Variants in EEFSEC observed in about 807,000 individuals in gnomAD.
EEFSEC encodes selenocysteine-specific elongation factor.
In EEFSEC, 43 loss-of-function variants were observed where a neutral mutation model predicts 42.1. That is an observed-to-expected ratio of 1.02 (90% CI 0.80 to 1.32). The LOEUF (loss-of-function observed/expected upper bound fraction) is 1.32. Ranked by LOEUF, EEFSEC falls within the 40% of genes most tolerant of loss-of-function variation. The pLI, the probability that EEFSEC is intolerant of heterozygous loss-of-function variation, is 0.00. For missense variants in EEFSEC, 745 were observed against 803.6 expected, an observed-to-expected ratio of 0.93 and a Z score of 0.88; for synonymous variants, 354 against 339.1, an observed-to-expected ratio of 1.04 and a Z score of -0.48.
intron 4 of EEFSEC, 51 bp from the exon 5 acceptor site, chr3:128,341,182 C>T: frequency 6.5e-7 from 1 of 1,544,832 alleles, no homozygotes; most frequent in Non-Finnish European, 8.7e-7. Context: ...CTCCTCCCCA[C>T]AGCCCCGAGG....
intron 1 of EEFSEC, among the ~76,000 whole-genome samples, chr3:128,157,323 A>G (rs1471676115): frequency 6.6e-6 from 1 of 152,234 alleles, no homozygotes; most frequent in Non-Finnish European, 1.5e-5. Context: ...TGAAACAACA[A>G]ATGGTGATAG....
intron 1 of EEFSEC, among the ~76,000 whole-genome samples, chr3:128,158,075 G>A (rs964422762): frequency 6.6e-6 from 1 of 152,184 alleles, no homozygotes; most frequent in East Asian, 1.9e-4. Context: ...GATGACTGAG[G>A]GGTTCAAGAC....
At position 128,317,676 on chromosome 3, in the gene EEFSEC, C is replaced by G. The variant is rs1215962351; in HGVS notation, c.787-23557C>G. Among the ~76,000 whole-genome samples the G allele has an allele frequency of 6.6e-6, 1 of 152,236 alleles. No homozygotes were observed. The highest frequency in any genetic ancestry group is 1.5e-5 in the Non-Finnish European group (1 of 68,044). On this transcript the variant is annotated intron_variant, in intron 4 of 6. Coordinates refer to ENST00000254730, the MANE Select transcript of EEFSEC (RefSeq NM_021937.5). The surrounding 1 kb of genome is among the most constrained non-coding windows in gnomAD (Gnocchi z 4.1). ...GAGAGTTCCAGCTCCTTGGCCTGACCCTCGGGCTTTGCACTGCCTGGCTCC... is the reference window on the plus strand; with the variant it reads ...GAGAGTTCCAGCTCCTTGGCCTGACGCTCGGGCTTTGCACTGCCTGGCTCC...
At chr3:128,312,759 G>A (rs542421491) in intron 4 of EEFSEC, among the ~76,000 whole-genome samples, 3 of 152,354 alleles carry the variant, frequency 2.0e-5, no homozygotes, top group Admixed American at 1.3e-4. Flanking sequence ...CTGTGGGGAG[G>A]AGGGAGAAGG....
intron 6 of EEFSEC, among the ~76,000 whole-genome samples, chr3:128,375,461 T>C (rs527251812): frequency 6.6e-6 from 1 of 152,344 alleles, no homozygotes; most frequent in South Asian, 2.1e-4. Flanking sequence ...CCTCTTAGTA[T>C]GGCATTTGGC....
chr3:128,342,811 A>C (rs1469874728), intron 5 of EEFSEC, among the ~76,000 whole-genome samples: 1 of 152,202 alleles, frequency 6.6e-6, no homozygotes, highest in East Asian at 1.9e-4. Context: ...CCCCCAAAGT[A>C]GTGGAATCAC....
rs545137590 is a variant in EEFSEC at position 128,249,967 on chromosome 3, A to G, written c.524+2924A>G. Among the ~76,000 whole-genome samples the G allele has an allele frequency of 2.6e-5, 4 of 152,278 alleles. No homozygotes were observed. In the South Asian group the frequency reaches 8.3e-4, roughly 32 times the overall value. On this transcript the variant is annotated intron_variant, in intron 2 of 6. Coordinates refer to ENST00000254730, the MANE Select transcript of EEFSEC (RefSeq NM_021937.5). ...CCTAGGAGGTATGAAGTGGTATATC[A>G]TCATAGTTTTCATTTGCATTTCCCT...
intron 1 of EEFSEC, among the ~76,000 whole-genome samples, chr3:128,190,029 A>T (rs1397551104): frequency 1.3e-5 from 2 of 149,380 alleles, no homozygotes; most frequent in African/African-American, 2.5e-5. Flanking sequence ...TGCCTGGCAA[A>T]TTTTCTGTAT....
At chr3:128,325,580 C>T (rs542035237) in intron 4 of EEFSEC, among the ~76,000 whole-genome samples, 2 of 152,130 alleles carry the variant, frequency 1.3e-5, no homozygotes, top group African/African-American at 2.4e-5. Flanking sequence ...GGCACAACAC[C>T]GAGCTACAAC....
At chr3:128,340,537 C>CCTAGAACAGTGCCTGGCACA (rs1420480108) in intron 4 of EEFSEC, among the ~76,000 whole-genome samples, 10 of 151,958 alleles carry the variant, frequency 6.6e-5, no homozygotes, top group Non-Finnish European at 1.0e-4. Flanking sequence ...TATTTCTTCC[C>CCTAGAACAGTGCCTGGCACA]CTAGAACAGT....
chr3:128,160,734 G>A (rs1206430101), intron 1 of EEFSEC, among the ~76,000 whole-genome samples: 1 of 152,108 alleles, frequency 6.6e-6, no homozygotes, highest in Non-Finnish European at 1.5e-5. Context: ...GTTCTGTGAT[G>A]ATATCTCTGA....
chr3:128,232,321 G>T lies in EEFSEC; in HGVS notation c.317-14515G>T, dbSNP rs539118057. Among the ~76,000 whole-genome samples, 10 of 151,886 alleles carry T rather than the reference G, an allele frequency of 6.6e-5. No homozygotes were observed. The South Asian group carries it at 1.7e-3, about 25-fold the overall frequency. ...TTCATTTTATTATTTTTTTAAAGAAGGAAAACGAGGGGAAAAAAGTAGAAT... is the reference window on the plus strand; with the variant it reads ...TTCATTTTATTATTTTTTTAAAGAATGAAAACGAGGGGAAAAAAGTAGAAT... On this transcript the variant is annotated intron_variant, in intron 1 of 6. Coordinates refer to ENST00000254730, the MANE Select transcript of EEFSEC (RefSeq NM_021937.5).
intron 1 of EEFSEC, among the ~76,000 whole-genome samples, chr3:128,188,269 C>T (rs199987317): frequency 3.3e-5 from 5 of 152,012 alleles, no homozygotes; most frequent in East Asian, 1.9e-4. Flanking sequence ...AGACAGGGAA[C>T]GAAAGAGGTA....
chr3:128,216,872 T>C (rs2065815908), intron 1 of EEFSEC, among the ~76,000 whole-genome samples: 1 of 152,088 alleles, frequency 6.6e-6, no homozygotes, highest in African/African-American at 2.4e-5. Flanking sequence ...GCAGGGACAG[T>C]CTTTGTTCCC....
intron 1 of EEFSEC, among the ~76,000 whole-genome samples, chr3:128,159,054 C>T (rs1944430911): frequency 1.3e-5 from 2 of 152,178 alleles, no homozygotes; most frequent in African/African-American, 4.8e-5. Context: ...TACCATTCTT[C>T]CTTGAATACA....
intron 4 of EEFSEC, among the ~76,000 whole-genome samples, chr3:128,268,195 G>A (rs1052308383): frequency 4.6e-5 from 7 of 152,134 alleles, no homozygotes; most frequent in African/African-American, 9.7e-5. Context: ...TTTTTCCACC[G>A]TCTCCCTTTT....
intron 6 of EEFSEC, among the ~76,000 whole-genome samples, chr3:128,360,477 G>C (rs1421443552): frequency 6.6e-6 from 1 of 152,246 alleles, no homozygotes; most frequent in African/African-American, 2.4e-5. Flanking sequence ...TGCTGGACCA[G>C]GCAGAGGGAA....
intron 6 of EEFSEC, among the ~76,000 whole-genome samples, chr3:128,376,373 A>G (rs536855399): frequency 3.3e-5 from 5 of 151,958 alleles, no homozygotes; most frequent in African/African-American, 1.2e-4. Context: ...CATCATCATC[A>G]CCCTAACCTG....
At chr3:128,326,620 C>G (rs1202708107) in intron 4 of EEFSEC, among the ~76,000 whole-genome samples, 1 of 152,148 alleles carries the variant, frequency 6.6e-6, no homozygotes, top group Non-Finnish European at 1.5e-5. Context: ...AGCACCTGAC[C>G]CCTCCATTTC....
Sources: gnomAD v4.1 joint callset for allele counts (sites outside exome capture counted in the v4.1 genomes callset) on GRCh38, gnomAD v4.1.1 for gene constraint, Gnocchi (gnomAD v3.1) non-coding constraint, MANE v1.5 for transcripts, NCBI Gene and HGNC (gene_info 2026-07-23, HGNC 2026-07-21) for gene names.